ASCC3: variants seen among roughly 807,000 people sequenced by gnomAD.
The protein encoded by ASCC3 is activating signal cointegrator 1 complex subunit 3.
Under a neutral mutation model 256.3 loss-of-function variants are expected in ASCC3, and 158 were observed. The observed-to-expected ratio is 0.62, with a 90% CI of 0.54 to 0.70. ASCC3 has a LOEUF of 0.70. ASCC3 is among the 30% of genes least tolerant of loss of function. The probability of loss-of-function intolerance (pLI) is 0.00; values close to 1 mark genes in which losing one functional copy is unlikely to be tolerated. For missense variants in ASCC3, 2,259 were observed against 2,626.0 expected, an observed-to-expected ratio of 0.86 and a Z score of 3.05; for synonymous variants, 948 against 883.4, an observed-to-expected ratio of 1.07 and a Z score of -1.30.
At chr6:100,623,899 A>C (rs1055769412) in intron 30 of ASCC3, among the ~76,000 whole-genome samples, 1 of 150,064 alleles carries the variant, frequency 6.7e-6, no homozygotes, top group African/African-American at 2.4e-5. Flanking sequence ...TCTCACTCAC[A>C]GGTGGGAATT....
chr6:100,599,062 T>C (rs1311348791), intron 34 of ASCC3, among the ~76,000 whole-genome samples: 6 of 152,144 alleles, frequency 3.9e-5, no homozygotes, highest in Admixed American at 1.3e-4. Flanking sequence ...GTTTTGGACA[T>C]GTTAAAGTGA....
intron 32 of ASCC3, 26 bp from the exon 33 acceptor site, chr6:100,605,726 T>C (rs370275216): frequency 3.1e-6 from 5 of 1,611,764 alleles, no homozygotes; most frequent in Non-Finnish European, 4.2e-6. Flanking sequence ...CAAAGAGATA[T>C]TCTACAATGT....
intron 36 of ASCC3, among the ~76,000 whole-genome samples, chr6:100,550,741 C>A (rs1769250827): frequency 6.6e-6 from 1 of 151,960 alleles, no homozygotes; most frequent in Non-Finnish European, 1.5e-5. Context: ...TGTGACTCTA[C>A]TGTTCTCTTC....
intron 36 of ASCC3, among the ~76,000 whole-genome samples, chr6:100,586,604 C>T (rs900855289): frequency 1.3e-5 from 2 of 152,202 alleles, no homozygotes; most frequent in African/African-American, 4.8e-5. Flanking sequence ...CCTGCACCCA[C>T]TGTCTGGCAC....
intron 4 of ASCC3, among the ~76,000 whole-genome samples, chr6:100,818,834 T>TGACA (rs1770898401): frequency 2.7e-5 from 2 of 72,998 alleles, no homozygotes; most frequent in Admixed American, 3.3e-4. Flanking sequence ...CCATTAGAAG[T>TGACA]GACAAGTTGA....
chr6:100,585,948 C>G (rs1771639874), intron 36 of ASCC3, among the ~76,000 whole-genome samples: 1 of 152,130 alleles, frequency 6.6e-6, no homozygotes, highest in Non-Finnish European at 1.5e-5. Context: ...GAAGTTTTGT[C>G]TCAGAGGAGT....
At chr6:100,879,311 T>C (rs1007826842) in intron 1 of ASCC3, among the ~76,000 whole-genome samples, 4 of 152,140 alleles carry the variant, frequency 2.6e-5, no homozygotes, top group African/African-American at 9.7e-5. Context: ...ATAGGCATAA[T>C]TGATTAAACC....
At chr6:100,651,006 C>G (rs1775641899) in intron 19 of ASCC3, among the ~76,000 whole-genome samples, 1 of 151,778 alleles carries the variant, frequency 6.6e-6, no homozygotes. Context: ...ACCTCACCAT[C>G]CTTGAATTGA....
At chr6:100,720,340 T>A (rs1398111609) in intron 11 of ASCC3, among the ~76,000 whole-genome samples, 3 of 151,832 alleles carry the variant, frequency 2.0e-5, no homozygotes, top group African/African-American at 7.2e-5. Flanking sequence ...ACAGAAAAGG[T>A]GTAATTCATT....
chr6:100,825,905 A>G (rs531329896), intron 4 of ASCC3, among the ~76,000 whole-genome samples: 36 of 151,856 alleles, frequency 2.4e-4, no homozygotes, highest in African/African-American at 8.4e-4. Flanking sequence ...GGCTATTGAT[A>G]CTTGTGCATT....
chr6:100,776,628 G>C (rs1782203143), intron 8 of ASCC3, among the ~76,000 whole-genome samples: 1 of 151,950 alleles, frequency 6.6e-6, no homozygotes, highest in Admixed American at 6.6e-5. Flanking sequence ...GGTAATACAG[G>C]CTACTCGTGA....
chr6:100,744,606 C>T (rs1780580521), intron 10 of ASCC3, among the ~76,000 whole-genome samples: 3 of 151,972 alleles, frequency 2.0e-5, no homozygotes, highest in Admixed American at 6.6e-5. Flanking sequence ...TTGCAGTCTT[C>T]GATGTTTTAT....
intron 4 of ASCC3, among the ~76,000 whole-genome samples, chr6:100,835,797 G>A (rs1771847619): frequency 6.6e-6 from 1 of 152,006 alleles, no homozygotes; most frequent in Admixed American, 6.5e-5. Context: ...GAATGTTACG[G>A]GTATTTTGAC....
At chr6:100,743,865 T>A (rs998186586) in intron 10 of ASCC3, among the ~76,000 whole-genome samples, 1 of 152,182 alleles carries the variant, frequency 6.6e-6, no homozygotes. Context: ...TACACATTAA[T>A]ACTCACAAAT....
rs72941287 is a variant in ASCC3, at chr6:100,691,795, G to T, written c.2152-12043C>A. ...GCCAGACTAATCTATATAACATATA[G>T]ACTTGTGCTGAATATCAGCAGTGTT... is the stretch of plus-strand genomic sequence containing the variant. On this transcript the variant is annotated intron_variant, in intron 13 of 41. Coordinates refer to ENST00000369162, the MANE Select transcript of ASCC3 (RefSeq NM_006828.4). Among the ~76,000 whole-genome samples the T allele has an allele frequency of 4.6e-3, 694 of 151,678 alleles. 6 individuals are homozygous for T. The highest frequency in any genetic ancestry group is 8.2e-3 in the Non-Finnish European group (556 of 67,830).
rs1460894066 is a variant in ASCC3 at position 100,557,028 on chromosome 6, G to T, written c.5551-16641C>A. Among the ~76,000 whole-genome samples the T allele has an allele frequency of 2.0e-5, 3 of 152,194 alleles. No individual in the cohort carries two copies. In the East Asian group the frequency reaches 5.8e-4, roughly 29 times the overall value. On this transcript the variant is annotated intron_variant, in intron 36 of 41. Transcript: ENST00000369162. ...ATGGTAGGACTCCTCAGTCTTCTGGGCATGATGAACACAAGATTTTAGACA... is the reference window on the plus strand; with the variant it reads ...ATGGTAGGACTCCTCAGTCTTCTGGTCATGATGAACACAAGATTTTAGACA...
intron 4 of ASCC3, among the ~76,000 whole-genome samples, chr6:100,823,327 A>G (rs1771144768): frequency 6.6e-6 from 1 of 152,210 alleles, no homozygotes; most frequent in African/African-American, 2.4e-5. Flanking sequence ...GAAGTTATCA[A>G]ATTAAAAACA....
At chr6:100,810,912 C>A (rs1770431358) in intron 4 of ASCC3, among the ~76,000 whole-genome samples, 1 of 151,990 alleles carries the variant, frequency 6.6e-6, no homozygotes, top group South Asian at 2.1e-4. Flanking sequence ...AAAATAAAAG[C>A]AAGTAAATAG....
chr6:100,610,908 A>G (rs1351897335), intron 30 of ASCC3, among the ~76,000 whole-genome samples: 1 of 152,198 alleles, frequency 6.6e-6, no homozygotes, highest in Non-Finnish European at 1.5e-5. Context: ...ACTACAAGGA[A>G]CTAATTCACT....
Sources: allele counts gnomAD v4.1 joint callset (sites outside exome capture counted in the v4.1 genomes callset), GRCh38; gene constraint gnomAD v4.1.1; transcripts MANE v1.5; gene names NCBI Gene and HGNC (gene_info 2026-07-23, HGNC 2026-07-21).